Variants in ZSCAN25 observed in about 807,000 individuals in gnomAD.
The protein encoded by ZSCAN25 is zinc finger and SCAN domain-containing protein 25.
In ZSCAN25, 27 loss-of-function variants were observed where a neutral mutation model predicts 38.7. The ratio of observed to expected loss-of-function variants is 0.70; its 90% CI spans 0.51 to 0.96. The LOEUF (loss-of-function observed/expected upper bound fraction) is 0.96. Among genes scored for constraint, ZSCAN25 ranks in the 40% least tolerant of loss-of-function variants. ZSCAN25 has a pLI of 0.00. For synonymous variants in ZSCAN25, 273 were observed against 277.7 expected, an observed-to-expected ratio of 0.98 and a Z score of 0.17; for missense variants, 637 against 705.9, an observed-to-expected ratio of 0.90 and a Z score of 1.11.
chr7:99,703,897 C>A, the ZSCAN25 span, among the ~76,000 whole-genome samples: 1 of 151,988 alleles, frequency 6.6e-6, no homozygotes, highest in African/African-American at 2.4e-5. Context: ...TCCACATGAA[C>A]ACCCAGTTTG....
chr7:99,705,898 G>T, the ZSCAN25 span, among the ~76,000 whole-genome samples: 1 of 152,132 alleles, frequency 6.6e-6, no homozygotes, highest in African/African-American at 2.4e-5. Context: ...TAACGAAAAT[G>T]GATGAGTTTT....
chr7:99,660,720 A>G, the ZSCAN25 span: 2 of 1,578,244 alleles, frequency 1.3e-6, no homozygotes, highest in Non-Finnish European at 1.7e-6. Context: ...CACAGCTTAG[A>G]TGAAATCTAA....
At chr7:99,655,236 A>G in the ZSCAN25 span, among the ~76,000 whole-genome samples, 1 of 152,292 alleles carries the variant, frequency 6.6e-6, no homozygotes, top group Middle Eastern at 3.4e-3. Flanking sequence ...TCTTTAATCC[A>G]TCTTGAATTA....
the ZSCAN25 span, chr7:99,731,034 A>ATT: frequency 2.5e-6 from 4 of 1,613,318 alleles, no homozygotes; most frequent in Non-Finnish European, 3.4e-6. Context: ...ATAAGAAGCA[A>ATT]AAGAGGAAGC....
At chr7:99,735,397 A>G in the ZSCAN25 span, among the ~76,000 whole-genome samples, 1 of 152,090 alleles carries the variant, frequency 6.6e-6, no homozygotes, top group Non-Finnish European at 1.5e-5. Flanking sequence ...AACTCAATCA[A>G]TGTTACTGGG....
chr7:99,700,072 A>G, the ZSCAN25 span: 29 of 1,440,160 alleles, frequency 2.0e-5, no homozygotes, highest in Admixed American at 3.5e-4. Context: ...TCTGAGTCTT[A>G]CTTTCAGCTG....
chr7:99,617,123 G>C (rs2151239316), intron 1 of ZSCAN25, 107 bp downstream of exon 1: 1 of 152,274 alleles, frequency 6.6e-6, no homozygotes, highest in South Asian at 2.1e-4. Flanking sequence ...GGTTGCAGTA[G>C]AGCCCGTCTC....
chr7:99,734,501 A>G, the ZSCAN25 span, among the ~76,000 whole-genome samples: 2 of 152,196 alleles, frequency 1.3e-5, no homozygotes, highest in Non-Finnish European at 2.9e-5. Context: ...ACTAAAGATG[A>G]ATGGGGGAGA....
At chr7:99,685,344 ACC>A in the ZSCAN25 span, 5 of 1,404,260 alleles carry the variant, frequency 3.6e-6, no homozygotes, top group Non-Finnish European at 4.9e-6. Flanking sequence ...ATAGTTTGTG[ACC>A]ATTACAAACT....
chr7:99,627,666 A>G (rs1378441805), intron 7 of ZSCAN25, among the ~76,000 whole-genome samples: 3 of 151,912 alleles, frequency 2.0e-5, no homozygotes, highest in Admixed American at 6.6e-5. Context: ...TATGTATACT[A>G]TATACGTATA....
chr7:99,638,107 C>A, the ZSCAN25 span: 93 of 896,570 alleles, frequency 1.0e-4, no homozygotes, highest in Middle Eastern at 2.3e-4. Flanking sequence ...CCCTCTCCCC[C>A]CAAACTGTAG....
intron 6 of ZSCAN25, 106 bp from the exon 7 acceptor site, chr7:99,623,951 A>G: frequency 6.7e-6 from 10 of 1,503,578 alleles, no homozygotes; most frequent in Non-Finnish European, 9.1e-6. Context: ...ACTCCCATTC[A>G]ACTGTTGGGA....
chr7:99,620,555 G>A (rs1806866430), intron 4 of ZSCAN25: 1 of 153,944 alleles, frequency 6.5e-6, no homozygotes, highest in African/African-American at 2.4e-5. Context: ...AGGAGAGCAG[G>A]ACTGATGACA....
At position 99,630,321 on chromosome 7, in the gene ZSCAN25, TG is replaced by T; in HGVS notation, c.*304del. ...TCTGTGTCCCCCTGCCGAACAAAGC[TG>T]GGAGTAAAGGCAAAACCTTGACACG... is the stretch of plus-strand genomic sequence containing the variant. On this transcript the variant is annotated 3_prime_UTR_variant, in exon 8 of 8. Coordinates refer to ENST00000394152, the MANE Select transcript of ZSCAN25 (RefSeq NM_145115.3). 8.5e-7 allele frequency: 1 copy of T among 1,174,856 alleles called. No individual in the cohort carries two copies. Among genetic ancestry groups the T allele is most frequent in the South Asian group, 3.4e-5 (1 of 29,690 alleles). 72.8% of individuals were successfully genotyped at this position (1,174,856 alleles called of 1,614,324 possible).
At chr7:99,638,547 G>A in the ZSCAN25 span, 5 of 1,529,064 alleles carry the variant, frequency 3.3e-6, no homozygotes, top group East Asian at 2.3e-5. Context: ...GTTATGCCGC[G>A]AGAGCGCGGA....
chr7:99,624,231 A>G, intron 7 of ZSCAN25, 51 bp downstream of exon 7: 1 of 1,610,170 alleles, frequency 6.2e-7, no homozygotes, highest in Non-Finnish European at 8.5e-7. Flanking sequence ...CTGAAAGCTC[A>G]GGTCAGGGGT....
Position 99,630,202 on chromosome 7 carries a change from C to T in ZSCAN25, c.*182C>T, listed in dbSNP as rs1274268825. ...AGAGCATAGCTGCTTCCATCTCTTA[C>T]CCAAGTGGTGCTAAACAATTTTTCT... On this transcript the variant is annotated 3_prime_UTR_variant, in exon 8 of 8. Transcript: ENST00000394152. 5.1e-6 allele frequency: 7 copies of T among 1,379,724 alleles called. No individual in the cohort carries two copies. In the South Asian group the frequency reaches 7.5e-5, roughly 15 times the overall value. The allele number at this position is 1,379,724 out of a possible 1,614,324, so 85.5% of individuals were successfully genotyped here. A position where few individuals can be genotyped will look rare whatever the true frequency, so the allele number is the denominator to read the frequency against.
chr7:99,711,404 A>G, the ZSCAN25 span, among the ~76,000 whole-genome samples: 2 of 152,198 alleles, frequency 1.3e-5, no homozygotes, highest in African/African-American at 4.8e-5. Flanking sequence ...TTAAGAGACC[A>G]ATATTGGAAT....
the ZSCAN25 span, among the ~76,000 whole-genome samples, chr7:99,709,607 T>A: frequency 6.6e-6 from 1 of 152,076 alleles, no homozygotes; most frequent in African/African-American, 2.4e-5. Context: ...AAAGTGATTG[T>A]CACCATTCAA....
Sources: allele counts gnomAD v4.1 joint callset (sites outside exome capture counted in the v4.1 genomes callset), GRCh38; gene constraint gnomAD v4.1.1; transcripts MANE v1.5; gene names NCBI Gene and HGNC (gene_info 2026-07-23, HGNC 2026-07-21).